Variants in USP48 observed in about 807,000 individuals in gnomAD.
USP48 encodes ubiquitin specific peptidase 48.
USP48 carries 43 observed loss-of-function variants against 150.7 expected under a neutral mutation model. That is an observed-to-expected ratio of 0.29 (90% CI 0.22 to 0.37). USP48 has a LOEUF of 0.37. Among genes scored for constraint, USP48 ranks in the 10% least tolerant of loss-of-function variants. The pLI, the probability that USP48 is intolerant of heterozygous loss-of-function variation, is 1.00. For synonymous variants in USP48, 396 were observed against 425.9 expected (o/e 0.93, Z 0.86); for missense variants, 813 against 1,249.6 (o/e 0.65, Z 5.27).
chr1:21,745,685 G>A (rs1189261678), intron 8 of USP48, among the ~76,000 whole-genome samples: 1 of 152,034 alleles, frequency 6.6e-6, no homozygotes, highest in African/African-American at 2.4e-5. Context: ...GCATAAACTG[G>A]GCAAATATAT....
At chr1:21,726,551 T>C (rs554797883) in intron 11 of USP48, 3 of 152,244 alleles carry the variant, frequency 2.0e-5, no homozygotes, top group South Asian at 2.1e-4. Flanking sequence ...GAAGGAAGAG[T>C]GACTATGGTC....
chr1:21,767,485 C>T (rs1156596800), intron 1 of USP48, among the ~76,000 whole-genome samples: 8 of 151,868 alleles, frequency 5.3e-5, no homozygotes, highest in African/African-American at 1.2e-4. Context: ...TCACCATGCC[C>T]GGCTAATTTT....
intron 23 of USP48, among the ~76,000 whole-genome samples, chr1:21,690,566 C>G (rs2152499677): frequency 6.6e-6 from 1 of 152,080 alleles, no homozygotes; most frequent in East Asian, 1.9e-4. Flanking sequence ...CTCTGTCACC[C>G]AGGCTGGAGT....
chr1:21,771,696 G>C (rs1396430977), intron 1 of USP48, among the ~76,000 whole-genome samples: 1 of 152,016 alleles, frequency 6.6e-6, no homozygotes, highest in Non-Finnish European at 1.5e-5. Flanking sequence ...AAGGCAGGCA[G>C]ATCACCTGAG....
rs2097836129 is a variant in USP48, at chr1:21,756,568, T to G, written c.390A>C (p.Gly130=). ...CACCTTTTTCTTCTTGGATGCCGTC[T>G]CCCAGCATGTAGTCACTACAAGTGC... The part of the protein sequence containing the change: ...CPSTCSDYML[G]DGIQEEKDYE... The change falls in exon 3 of 27, where the codon GGA becomes GGC. Residue 130 remains glycine (G), a synonymous_variant. Coordinates refer to ENST00000308271, the MANE Select transcript of USP48 (RefSeq NM_032236.8). The G allele has an allele frequency of 6.3e-7, 1 of 1,582,070 alleles. No individual in the cohort carries two copies. Among genetic ancestry groups the G allele is most frequent in the Non-Finnish European group, 8.5e-7 (1 of 1,169,834 alleles).
intron 6 of USP48, among the ~76,000 whole-genome samples, chr1:21,749,860 C>A (rs989137863): frequency 1.3e-5 from 2 of 152,174 alleles, no homozygotes; most frequent in African/African-American, 4.8e-5. Flanking sequence ...GTCTCAGTCT[C>A]ATAAAGTGCT....
At chr1:21,721,002 T>A (rs772806532) in intron 14 of USP48, 34 bp downstream of exon 14, 2 of 1,578,716 alleles carry the variant, frequency 1.3e-6, no homozygotes, top group Non-Finnish European at 1.7e-6. Context: ...TGGTATAGTT[T>A]CACAATGATC....
At chr1:21,777,391 G>A (rs2097902502) in intron 1 of USP48, among the ~76,000 whole-genome samples, 1 of 152,076 alleles carries the variant, frequency 6.6e-6, no homozygotes, top group Non-Finnish European at 1.5e-5. Flanking sequence ...ACAATGTTGG[G>A]GCCAGGTGGT....
At position 21,678,352 on chromosome 1, in the gene USP48, C is replaced by T. The variant is rs1306027914; in HGVS notation, c.*1065G>A. The T allele has an allele frequency of 6.7e-6, 1 of 149,714 alleles. No individual in the cohort carries two copies. Among genetic ancestry groups the T allele is most frequent in the Non-Finnish European group, 1.5e-5 (1 of 67,662 alleles). 9.3% of individuals were successfully genotyped at this position (149,714 alleles called of 1,614,324 possible). A position where few individuals can be genotyped will look rare whatever the true frequency, so the allele number is the denominator to read the frequency against. The stretch of plus-strand genomic sequence containing the variant: ...CAATTAAAAAAACCCCTTCAATATT[C>T]TTAAGAATATTGCTTCGGTTACGTG... On this transcript the variant is annotated 3_prime_UTR_variant, in exon 27 of 27. Transcript: ENST00000308271.
intron 22 of USP48, among the ~76,000 whole-genome samples, chr1:21,699,126 T>G (rs372646472): frequency 4.0e-5 from 6 of 150,932 alleles, no homozygotes; most frequent in Non-Finnish European, 5.9e-5. Flanking sequence ...ACCTCCCAGG[T>G]TGAAGCAATT....
chr1:21,693,811 C>G (rs572117695), intron 23 of USP48, among the ~76,000 whole-genome samples: 8 of 152,306 alleles, frequency 5.3e-5, no homozygotes, highest in Admixed American at 2.6e-4. Flanking sequence ...TTTTCAGAGC[C>G]ATGGGTTCAA....
chr1:21,746,780 G>A (rs189815466), intron 8 of USP48, among the ~76,000 whole-genome samples: 8 of 152,138 alleles, frequency 5.3e-5, no homozygotes, highest in South Asian at 4.1e-4. Flanking sequence ...TGGCAAGTGC[G>A]GGTTCAGAAA....
chr1:21,679,977 A>G (rs1260861368), intron 26 of USP48, among the ~76,000 whole-genome samples: 1 of 151,904 alleles, frequency 6.6e-6, no homozygotes, highest in Non-Finnish European at 1.5e-5. Flanking sequence ...TACAGGCGTG[A>G]GCCACCATGC....
chr1:21,769,119 C>T (rs1018026443), intron 1 of USP48, among the ~76,000 whole-genome samples: 1 of 152,198 alleles, frequency 6.6e-6, no homozygotes, highest in Admixed American at 6.6e-5. Flanking sequence ...CAATCCTCTG[C>T]TACTTTGCTA....
chr1:21,783,041 A>C lies in USP48; in HGVS notation c.-84T>G. On this transcript the variant is annotated 5_prime_UTR_variant, in exon 1 of 27. Transcript: ENST00000308271. ...CACCGCCGCCCCAATGGGCTTCGCC[A>C]CCTGCCAGCAAGGAGGACCTGGCGC... 1 of 1,407,370 alleles carries C rather than the reference A, an allele frequency of 7.1e-7. No homozygotes were observed. 87.2% of individuals were successfully genotyped at this position (1,407,370 alleles called of 1,614,324 possible). A position where few individuals can be genotyped will look rare whatever the true frequency, so the allele number is the denominator to read the frequency against.
At chr1:21,727,728 G>T in intron 11 of USP48, 1 of 306,006 alleles carries the variant, frequency 3.3e-6, no homozygotes, top group Non-Finnish European at 4.8e-6. Flanking sequence ...AGAAGGGTCA[G>T]AATTGAATTA....
At chr1:21,716,434 G>C (rs1430309014) in intron 14 of USP48, among the ~76,000 whole-genome samples, 1 of 152,170 alleles carries the variant, frequency 6.6e-6, no homozygotes, top group Admixed American at 6.5e-5. Context: ...AGGAGGGTAT[G>C]AGATACAATA....
intron 23 of USP48, among the ~76,000 whole-genome samples, chr1:21,693,634 G>A (rs1256554348): frequency 6.6e-6 from 1 of 152,192 alleles, no homozygotes; most frequent in Non-Finnish European, 1.5e-5. Context: ...AATAAAAGCA[G>A]CACAGGCTTT....
intron 1 of USP48, among the ~76,000 whole-genome samples, chr1:21,764,864 C>T (rs2097858171): frequency 6.6e-6 from 1 of 152,150 alleles, no homozygotes; most frequent in Non-Finnish European, 1.5e-5. Context: ...TGGCAACCAG[C>T]CCATGTGGAG....
Sources: gnomAD v4.1 joint callset for allele counts (sites outside exome capture counted in the v4.1 genomes callset) on GRCh38, gnomAD v4.1.1 for gene constraint, MANE v1.5 for transcripts, NCBI Gene and HGNC (gene_info 2026-07-23, HGNC 2026-07-21) for gene names.